Variants in MORF4L1 observed in about 807,000 individuals in gnomAD.
MORF4L1 encodes the protein mortality factor 4 like 1.
A neutral mutation model predicts 52.9 loss-of-function variants in MORF4L1; 4 were observed. The observed-to-expected ratio is 0.08, with a 90% confidence interval of 0.04 to 0.17. The LOEUF is 0.17. MORF4L1 is among the 10% of genes least tolerant of loss of function. MORF4L1 has a pLI of 1.00. For synonymous variants in MORF4L1, 123 were observed against 134.8 expected (o/e 0.91, Z 0.61); for missense variants, 214 against 390.4 (o/e 0.55, Z 3.81).
chr15:78,874,123 G>GAATAGCTAAATA (rs80159895), intron 1 of MORF4L1, among the ~76,000 whole-genome samples: 19,712 of 152,178 alleles, frequency 0.13, 1,339 homozygotes, highest in East Asian at 0.26. Flanking sequence ...TAATAAGGTG[G>GAATAGCTAAATA]AGGTCTAATA....
chr15:78,873,917 A>G (rs1241415468), intron 1 of MORF4L1: 3 of 152,240 alleles, frequency 2.0e-5, no homozygotes, highest in Non-Finnish European at 2.9e-5. Context: ...CGCCGTTTGC[A>G]TTTGTAAGTC....
At chr15:78,886,903 G>A (rs1431941691) in intron 4 of MORF4L1, among the ~76,000 whole-genome samples, 1 of 151,384 alleles carries the variant, frequency 6.6e-6, no homozygotes, top group Non-Finnish European at 1.5e-5. Context: ...TTCAGTGAGC[G>A]GAGATCGCGC....
chr15:78,879,767 C>T lies in MORF4L1; in HGVS notation c.88-745C>T, dbSNP rs886495543. Among the ~76,000 whole-genome samples the T allele has an allele frequency of 1.6e-3, 225 of 143,384 alleles. 1 individual carries two copies. Among genetic ancestry groups the T allele is most frequent in the South Asian group, 3.9e-3 (18 of 4,608 alleles). The allele number at this position is 143,384 out of a possible 152,430, so 94.1% of individuals were successfully genotyped here. On this transcript the variant is annotated intron_variant, in intron 2 of 11. Transcript: ENST00000426013. Reference sequence around the variant, plus strand: ...AGTCTGGGCAAGATAGCAAGACTGTCTCTACCAAAAAAAAAAAAAAAAATT... The same window carrying T: ...AGTCTGGGCAAGATAGCAAGACTGTTTCTACCAAAAAAAAAAAAAAAAATT...
chr15:78,879,256 C>T (rs977092594), intron 2 of MORF4L1, among the ~76,000 whole-genome samples: 1 of 151,870 alleles, frequency 6.6e-6, no homozygotes. Flanking sequence ...CAGTATTGCT[C>T]TGTCGCCCAG....
chr15:78,873,238 C>T, intron 1 of MORF4L1, 181 bp downstream of exon 1: 1 of 1,507,372 alleles, frequency 6.6e-7, no homozygotes. Flanking sequence ...TGTGAGAAAG[C>T]GCTTTGTGAA....
At chr15:78,886,330 A>G (rs2056702795) in intron 4 of MORF4L1, 103 bp downstream of exon 4, 1 of 1,006,824 alleles carries the variant, frequency 9.9e-7, no homozygotes, top group South Asian at 1.3e-5. Flanking sequence ...TGCCTATAAA[A>G]TGATTCCTGG....
chr15:78,873,086 C>G (rs1273645579), intron 1 of MORF4L1, 29 bp downstream of exon 1: 4 of 1,550,100 alleles, frequency 2.6e-6, no homozygotes, highest in Non-Finnish European at 1.7e-6. Context: ...GAAAAAGGCA[C>G]CTAACGGCGC....
intron 1 of MORF4L1, among the ~76,000 whole-genome samples, chr15:78,877,153 C>T (rs1331467539): frequency 2.7e-4 from 32 of 120,102 alleles, no homozygotes; most frequent in African/African-American, 9.8e-4. Flanking sequence ...GAGGGCGGCT[C>T]CTTCTCACCC....
intron 1 of MORF4L1, among the ~76,000 whole-genome samples, chr15:78,874,886 C>G (rs921232974): frequency 2.7e-5 from 4 of 150,726 alleles, no homozygotes; most frequent in African/African-American, 4.9e-5. Flanking sequence ...ATTTTTTTTT[C>G]TATCTCCCAA....
chr15:78,873,151 G>T lies in MORF4L1; in HGVS notation c.40+94G>T, dbSNP rs2056400704. ...AGGCTTGAGGGCCGGGGGCGGCGCG[G>T]GCTGCGCCCTGAGAAGGCGGCGGTC... is the stretch of plus-strand genomic sequence containing the variant. On this transcript the variant is annotated intron_variant, in intron 1 of 11. Transcript: ENST00000426013. The T allele has an allele frequency of 3.1e-5, 48 of 1,540,384 alleles. No homozygotes were observed. The South Asian group carries it at 5.5e-4, about 18-fold the overall frequency.
At position 78,895,000 on chromosome 15, in the gene MORF4L1, T is replaced by A. The variant is rs10519216; in HGVS notation, c.887+96T>A. The A allele has an allele frequency of 0.13, 124,500 of 974,998 alleles. 8,716 individuals carry two copies. Among genetic ancestry groups the A allele is most frequent in the East Asian group, 0.26 (10,412 of 40,244 alleles). 60.4% of individuals were successfully genotyped at this position (974,998 alleles called of 1,614,324 possible). ...GATGCTAAAACATTAAACATTATAT[T>A]GGTACAGGCATAGATAGTTGGTAAT... On this transcript the variant is annotated intron_variant, in intron 11 of 11. Coordinates refer to ENST00000426013, the MANE Select transcript of MORF4L1 (RefSeq NM_006791.4).
rs181865383 is a variant in MORF4L1 at position 78,878,592 on chromosome 15, G to A, written c.87+333G>A. Reference sequence around the variant, plus strand: ...AACATTGCTGAAGTTACTTTTAAAAGTAATATATGCTGAGTAAGCATTGAG... The same window carrying A: ...AACATTGCTGAAGTTACTTTTAAAAATAATATATGCTGAGTAAGCATTGAG... On this transcript the variant is annotated intron_variant, in intron 2 of 11. Transcript: ENST00000426013. Among the ~76,000 whole-genome samples the A allele has an allele frequency of 9.8e-3, 1,450 of 148,574 alleles. 8 individuals carry two copies. The highest frequency in any genetic ancestry group is 0.021 in the Middle Eastern group (6 of 290).
rs1300953959 is a variant in MORF4L1, at chr15:78,897,833, C to G, written c.*766C>G. The G allele has an allele frequency of 1.3e-5, 2 of 152,460 alleles. No individual in the cohort carries two copies. Among genetic ancestry groups the G allele is most frequent in the Admixed American group, 6.5e-5 (1 of 15,270 alleles). 9.4% of individuals were successfully genotyped at this position (152,460 alleles called of 1,614,324 possible). On this transcript the variant is annotated 3_prime_UTR_variant, in exon 12 of 12. Coordinates refer to ENST00000426013, the MANE Select transcript of MORF4L1 (RefSeq NM_006791.4). Reference sequence around the variant, plus strand: ...GTTTTTCAGGTGCGTGCTTTGTTTTCTGGTATGGCCTTTATGGAATGAGAC... The same window carrying G: ...GTTTTTCAGGTGCGTGCTTTGTTTTGTGGTATGGCCTTTATGGAATGAGAC...
chr15:78,887,084 A>G (rs559308883), intron 4 of MORF4L1, among the ~76,000 whole-genome samples, 185 bp from the exon 5 acceptor site: 1 of 152,216 alleles, frequency 6.6e-6, no homozygotes, highest in Admixed American at 6.5e-5. Flanking sequence ...TATTACATTG[A>G]TTTTAATTGA....
Position 78,897,667 on chromosome 15 carries a change from C to G in MORF4L1, c.*600C>G, listed in dbSNP as rs1211367191. On this transcript the variant is annotated 3_prime_UTR_variant, in exon 12 of 12. Coordinates refer to ENST00000426013, the MANE Select transcript of MORF4L1 (RefSeq NM_006791.4). ...CGCAATGCATTGTGTAGCTAGTTTTCTGGAAAAGTCAATCTTTTAGGAATT... is the reference window on the plus strand; with the variant it reads ...CGCAATGCATTGTGTAGCTAGTTTTGTGGAAAAGTCAATCTTTTAGGAATT... 6.6e-6 allele frequency: 1 copy of G among 152,580 alleles called. No individual in the cohort carries two copies. The highest frequency in any genetic ancestry group is 2.4e-5 in the African/African-American group (1 of 41,422). 9.5% of individuals were successfully genotyped at this position (152,580 alleles called of 1,614,324 possible). A position where few individuals can be genotyped will look rare whatever the true frequency, so the allele number is the denominator to read the frequency against.
intron 1 of MORF4L1, among the ~76,000 whole-genome samples, chr15:78,874,677 C>T (rs556119136): frequency 6.7e-6 from 1 of 149,720 alleles, no homozygotes; most frequent in South Asian, 2.1e-4. Context: ...ATCCACCCGC[C>T]TCGGCCTCCC....
chr15:78,895,993 T>C (rs1156655433), intron 11 of MORF4L1, among the ~76,000 whole-genome samples: 1 of 152,178 alleles, frequency 6.6e-6, no homozygotes, highest in African/African-American at 2.4e-5. Flanking sequence ...AGTTTATTCA[T>C]TTAGAGATGG....
chr15:78,879,773 C>CAAA (rs10664763), intron 2 of MORF4L1, among the ~76,000 whole-genome samples: 1,399 of 124,640 alleles, frequency 0.011, 22 homozygotes, highest in African/African-American at 0.038. Context: ...CTGTCTCTAC[C>CAAA]AAAAAAAAAA....
Position 78,897,142 on chromosome 15 carries a change from A to G in MORF4L1, c.*75A>G. On this transcript the variant is annotated 3_prime_UTR_variant, in exon 12 of 12. Transcript: ENST00000426013. Reference sequence around the variant, plus strand: ...TCTTAGTCTATCTCTTGTACAAACGATGTGCTTTGAAGATGTTAGTGTATA... The same window carrying G: ...TCTTAGTCTATCTCTTGTACAAACGGTGTGCTTTGAAGATGTTAGTGTATA... 8.3e-7 allele frequency: 1 copy of G among 1,210,876 alleles called. No homozygotes were observed. Among genetic ancestry groups the G allele is most frequent in the Non-Finnish European group, 1.2e-6 (1 of 825,586 alleles). 75.0% of individuals were successfully genotyped at this position (1,210,876 alleles called of 1,614,324 possible). A position where few individuals can be genotyped will look rare whatever the true frequency, so the allele number is the denominator to read the frequency against.
Sources: allele counts gnomAD v4.1 joint callset (sites outside exome capture counted in the v4.1 genomes callset), GRCh38; gene constraint gnomAD v4.1.1; transcripts MANE v1.5; gene names NCBI Gene and HGNC (gene_info 2026-07-23, HGNC 2026-07-21).